ABI3BP: variants seen among roughly 807,000 people sequenced by gnomAD.
ABI3BP encodes the protein target of Nesh-SH3.
ABI3BP carries 216 observed loss-of-function variants against 268.6 expected under a neutral mutation model. That is an observed-to-expected ratio of 0.80 (90% CI 0.72 to 0.90). ABI3BP has a LOEUF of 0.90. Among genes scored for constraint, ABI3BP ranks in the 40% least tolerant of loss-of-function variants. The pLI is 0.00. For missense variants in ABI3BP, 2,090 were observed against 2,182.4 expected (o/e 0.96, Z 0.84); for synonymous variants, 730 against 730.0 (o/e 1.00, Z 0.00).
intron 43 of ABI3BP, 50 bp downstream of exon 43, chr3:100,816,638 G>T (rs776516242): frequency 3.5e-6 from 5 of 1,415,082 alleles, no homozygotes; most frequent in Non-Finnish European, 4.8e-6. Flanking sequence ...GGGACAGCCT[G>T]CCAGGGTTCA....
chr3:100,788,637 A>G (rs2097116833), intron 56 of ABI3BP, among the ~76,000 whole-genome samples: 1 of 152,180 alleles, frequency 6.6e-6, no homozygotes, highest in African/African-American at 2.4e-5. Context: ...AAAGTCAGAG[A>G]GAAATACACA....
chr3:100,765,829 C>G lies in ABI3BP; in HGVS notation c.4850+12G>C. ...CTCTCAGAATTTACCTGGAATAGCACTGGTGGCTTACCTCGTGTTTGGTTT... is the reference window on the plus strand; with the variant it reads ...CTCTCAGAATTTACCTGGAATAGCAGTGGTGGCTTACCTCGTGTTTGGTTT... On this transcript the variant is annotated intron_variant, in intron 63 of 67. Transcript: ENST00000471714. The G allele has an allele frequency of 6.3e-7, 1 of 1,577,522 alleles. No homozygotes were observed. The highest frequency in any genetic ancestry group is 8.7e-7 in the Non-Finnish European group (1 of 1,152,034).
At chr3:100,899,004 C>T (rs1252118605) in intron 3 of ABI3BP, 110 bp from the exon 4 acceptor site, 1 of 1,188,910 alleles carries the variant, frequency 8.4e-7, no homozygotes, top group Non-Finnish European at 1.2e-6. Context: ...AATGTGAAAA[C>T]ATCAAGTTCC....
In ABI3BP at chr3:100,945,255, A is replaced by T. The variant is rs147787862; in HGVS notation, c.80-18774T>A. Reference sequence around the variant, plus strand: ...TGTACTTCAAATATATAAAAAAAGGAACAAATATTTTCACGAGCATATGGA... The same window carrying T: ...TGTACTTCAAATATATAAAAAAAGGTACAAATATTTTCACGAGCATATGGA... On this transcript the variant is annotated intron_variant, in intron 1 of 67. Coordinates refer to ENST00000471714, the MANE Select transcript of ABI3BP (RefSeq NM_001375547.2). Among the ~76,000 whole-genome samples, 959 of 152,260 alleles carry T rather than the reference A, an allele frequency of 6.3e-3. 2 individuals carry two copies. The highest frequency in any genetic ancestry group is 0.01 in the Non-Finnish European group (706 of 68,004).
intron 11 of ABI3BP, chr3:100,864,364 C>T (rs2099029329): frequency 4.7e-6 from 2 of 421,834 alleles, no homozygotes; most frequent in Non-Finnish European, 8.5e-6. Flanking sequence ...GTTAGATTCT[C>T]TTGGGCTAAG....
At position 100,811,771 on chromosome 3, in the gene ABI3BP, G is replaced by GGGAT; in HGVS notation, c.3446_3449dup (p.Thr1151SerfsTer15). 1 of 1,535,548 alleles carries GGGAT rather than the reference G, an allele frequency of 6.5e-7. No individual in the cohort carries two copies. The highest frequency in any genetic ancestry group is 8.7e-7 in the Non-Finnish European group (1 of 1,146,512). ...CTGGCCAGAGTGGTGCTTTGGCAGT[G>GGGAT]GGATATACATAGTCTGTTTTGGCTG... is the stretch of plus-strand genomic sequence containing the variant. On this transcript the variant is annotated frameshift_variant, in exon 47 of 68. Transcript: ENST00000471714. LOFTEE classifies it high-confidence loss of function.
intron 1 of ABI3BP, among the ~76,000 whole-genome samples, chr3:100,939,895 C>A (rs1307789136): frequency 6.6e-6 from 1 of 152,062 alleles, no homozygotes; most frequent in East Asian, 1.9e-4. Context: ...GGGGGGCCGT[C>A]TATAGGCCTA....
intron 1 of ABI3BP, among the ~76,000 whole-genome samples, chr3:100,985,431 G>A (rs1466876539): frequency 1.3e-5 from 2 of 152,080 alleles, no homozygotes; most frequent in Non-Finnish European, 2.9e-5. Context: ...TTACAGGCAT[G>A]AGCCACCATG....
At chr3:100,849,390 A>T (rs781294312) in intron 17 of ABI3BP, among the ~76,000 whole-genome samples, 11 of 151,880 alleles carry the variant, frequency 7.2e-5, no homozygotes, top group Admixed American at 2.0e-4. Context: ...CGTCCGGCTA[A>T]TTTTTGTATT....
At position 100,844,030 on chromosome 3, in the gene ABI3BP, G is replaced by A. The variant is rs938469944; in HGVS notation, c.1724-1991C>T. The A allele has an allele frequency of 3.1e-6, 3 of 980,580 alleles. No individual in the cohort carries two copies. In the African/African-American group the frequency reaches 5.3e-5, roughly 17 times the overall value. The allele number at this position is 980,580 out of a possible 1,614,324, so 60.7% of individuals were successfully genotyped here. On this transcript the variant is annotated intron_variant, in intron 20 of 67. Transcript: ENST00000471714. Reference sequence around the variant, plus strand: ...GTCAATTGCACATAAAAACAGTAAGGTCTATGTTTAGTAAAAATAAATATA... The same window carrying A: ...GTCAATTGCACATAAAAACAGTAAGATCTATGTTTAGTAAAAATAAATATA...
At chr3:100,853,472 C>T (rs912344185) in intron 14 of ABI3BP, among the ~76,000 whole-genome samples, 3 of 152,162 alleles carry the variant, frequency 2.0e-5, no homozygotes, top group African/African-American at 4.8e-5. Flanking sequence ...ACTTTGCCAA[C>T]TTGTATTTAA....
At chr3:100,849,954 A>T in intron 17 of ABI3BP, 91 bp downstream of exon 17, 5 of 1,183,980 alleles carry the variant, frequency 4.2e-6, no homozygotes, top group Non-Finnish European at 4.9e-6. Context: ...AAACAAACAA[A>T]AGAAAAACAA....
intron 44 of ABI3BP, among the ~76,000 whole-genome samples, chr3:100,814,275 C>T (rs1230809894): frequency 6.6e-6 from 1 of 152,104 alleles, no homozygotes; most frequent in East Asian, 1.9e-4. Flanking sequence ...ATCTGAATCT[C>T]AGTTCCTACA....
At chr3:100,898,611 C>A in intron 4 of ABI3BP, 151 bp downstream of exon 4, 2 of 818,054 alleles carry the variant, frequency 2.4e-6, no homozygotes, top group South Asian at 2.5e-5. Flanking sequence ...GGTAGATAAC[C>A]TTCTCAAGGG....
intron 44 of ABI3BP, 22 bp from the exon 45 acceptor site, chr3:100,813,757 T>C (rs1039419527): frequency 6.6e-7 from 1 of 1,523,034 alleles, no homozygotes; most frequent in African/African-American, 1.4e-5. Flanking sequence ...GGGTCTCAAT[T>C]GTAAGAGTAA....
intron 1 of ABI3BP, among the ~76,000 whole-genome samples, chr3:100,954,785 C>T (rs1182253191): frequency 6.6e-6 from 1 of 151,862 alleles, no homozygotes; most frequent in East Asian, 1.9e-4. Flanking sequence ...GGTGGTGAAC[C>T]CTTTTCCTCT....
chr3:100,833,684 A>G (rs1051152624), intron 29 of ABI3BP, among the ~76,000 whole-genome samples: 2 of 152,182 alleles, frequency 1.3e-5, no homozygotes, highest in African/African-American at 4.8e-5. Flanking sequence ...CAATCCATCA[A>G]ACTTGTTAGT....
At chr3:100,949,335 A>G (rs1426595683) in intron 1 of ABI3BP, among the ~76,000 whole-genome samples, 3 of 152,204 alleles carry the variant, frequency 2.0e-5, no homozygotes, top group Non-Finnish European at 4.4e-5. Context: ...GGCTCACTGC[A>G]GCTTCTGCCT....
intron 1 of ABI3BP, among the ~76,000 whole-genome samples, chr3:100,978,453 A>G (rs1264653827): frequency 6.6e-6 from 1 of 152,210 alleles, no homozygotes; most frequent in Non-Finnish European, 1.5e-5. Context: ...TAATACATAT[A>G]CACAAGTGGA....
Sources: gnomAD v4.1 joint callset for allele counts (sites outside exome capture counted in the v4.1 genomes callset) on GRCh38, gnomAD v4.1.1 for gene constraint, MANE v1.5 for transcripts, NCBI Gene and HGNC (gene_info 2026-07-23, HGNC 2026-07-21) for gene names.